Variants in MYO3B observed in about 807,000 individuals in gnomAD.
MYO3B encodes the protein myosin-IIIb.
MYO3B carries 156 observed loss-of-function variants against 174.6 expected under a neutral mutation model. The ratio of observed to expected loss-of-function variants is 0.89; its 90% CI spans 0.78 to 1.02. MYO3B has a LOEUF of 1.02. MYO3B is among the 50% of genes least tolerant of loss of function. The pLI, the probability that MYO3B is intolerant of heterozygous loss-of-function variation, is 0.00. For synonymous variants in MYO3B, 563 were observed against 569.1 expected, an observed-to-expected ratio of 0.99 and a Z score of 0.15; for missense variants, 1,632 against 1,639.4, an observed-to-expected ratio of 1.00 and a Z score of 0.08.
intron 32 of MYO3B, among the ~76,000 whole-genome samples, chr2:170,589,039 ATAGT>A (rs773974336): frequency 4.3e-4 from 66 of 152,314 alleles, no homozygotes; most frequent in Non-Finnish European, 8.2e-4. Context: ...GAATTAACTA[ATAGT>A]TAGTTACTGG....
At chr2:170,220,628 C>CAAAA (rs71006077) in intron 6 of MYO3B, among the ~76,000 whole-genome samples, 1 of 85,924 alleles carries the variant, frequency 1.2e-5, no homozygotes, top group Non-Finnish European at 2.4e-5. Flanking sequence ...GATTCCGTCT[C>CAAAA]AAAAAAAAAA....
intron 22 of MYO3B, among the ~76,000 whole-genome samples, chr2:170,428,940 C>A (rs2094686764): frequency 6.6e-6 from 1 of 152,208 alleles, no homozygotes; most frequent in South Asian, 2.1e-4. Context: ...GTGTCCTTTT[C>A]ATTGCTTCCA....
chr2:170,503,551 C>T (rs1687421682), intron 28 of MYO3B, among the ~76,000 whole-genome samples: 1 of 150,964 alleles, frequency 6.6e-6, no homozygotes, highest in Non-Finnish European at 1.5e-5. Flanking sequence ...TTGCAAGCAC[C>T]CAGCAGGACT....
rs188370413 is a variant in MYO3B, at chr2:170,366,921, C to G, written c.816-2301C>G. Among the ~76,000 whole-genome samples the G allele has an allele frequency of 5.8e-4, 88 of 152,264 alleles. 1 individual carries two copies. Among genetic ancestry groups the G allele is most frequent in the African/African-American group, 1.9e-3 (78 of 41,558 alleles). ...ATGGAGTATGGGTTTCCTAGTCTTT[C>G]TCAATCCCTGTTCAAGGAGCTTTAC... is the stretch of plus-strand genomic sequence containing the variant. On this transcript the variant is annotated intron_variant, in intron 8 of 34. Coordinates refer to ENST00000408978, the MANE Select transcript of MYO3B (RefSeq NM_138995.5).
chr2:170,440,378 C>G lies in MYO3B; in HGVS notation c.2651-3589C>G, dbSNP rs147861056. On this transcript the variant is annotated intron_variant, in intron 22 of 34. Coordinates refer to ENST00000408978, the MANE Select transcript of MYO3B (RefSeq NM_138995.5). ...TGTAGAATGCTTGGGATAGTATGAA[C>G]ATTTTAACAATGTTAAGTCTTCCAA... is the stretch of plus-strand genomic sequence containing the variant. 3.7e-4 allele frequency among the ~76,000 whole-genome samples: 57 copies of G among 152,276 alleles called. 1 individual carries two copies. The highest frequency in any genetic ancestry group is 6.8e-3 in the Middle Eastern group (2 of 294).
chr2:170,651,862 T>C (rs1216967088), intron 33 of MYO3B, 128 bp downstream of exon 33: 5 of 627,410 alleles, frequency 8.0e-6, no homozygotes, highest in Non-Finnish European at 1.4e-5. Flanking sequence ...AACATGTGCT[T>C]AGGCTCTTTA....
intron 32 of MYO3B, among the ~76,000 whole-genome samples, chr2:170,650,259 T>C (rs1698903761): frequency 6.6e-6 from 1 of 151,858 alleles, no homozygotes; most frequent in East Asian, 1.9e-4. Flanking sequence ...GTTCTGATAG[T>C]CTTGTCCAAA....
intron 32 of MYO3B, among the ~76,000 whole-genome samples, chr2:170,650,325 A>T (rs1277558475): frequency 2.0e-5 from 3 of 152,084 alleles, no homozygotes; most frequent in Non-Finnish European, 4.4e-5. Flanking sequence ...TACTTAGGGA[A>T]CAAATATTTT....
At chr2:170,496,613 TATA>T (rs1207491677) in intron 25 of MYO3B, among the ~76,000 whole-genome samples, 1 of 148,206 alleles carries the variant, frequency 6.7e-6, no homozygotes, top group Non-Finnish European at 1.5e-5. Context: ...ATATGTATAA[TATA>T]ATATATATAA....
At chr2:170,477,766 A>G (rs1685406278) in intron 25 of MYO3B, among the ~76,000 whole-genome samples, 2 of 151,294 alleles carry the variant, frequency 1.3e-5, no homozygotes, top group Admixed American at 6.6e-5. Flanking sequence ...AGATGTTGTC[A>G]AATGTCTCCT....
chr2:170,592,677 A>G (rs746697509), intron 32 of MYO3B, among the ~76,000 whole-genome samples: 3 of 152,158 alleles, frequency 2.0e-5, no homozygotes, highest in Non-Finnish European at 4.4e-5. Flanking sequence ...TCATGAGGGC[A>G]GGGCAGGGAT....
intron 22 of MYO3B, among the ~76,000 whole-genome samples, chr2:170,410,977 G>C (rs2094542620): frequency 6.7e-6 from 1 of 150,064 alleles, no homozygotes; most frequent in Non-Finnish European, 1.5e-5. Flanking sequence ...GAGCCCAGGA[G>C]TTCAAGGCCG....
chr2:170,178,478 G>C (rs1294813191), intron 1 of MYO3B, among the ~76,000 whole-genome samples, 189 bp downstream of exon 1: 1 of 151,878 alleles, frequency 6.6e-6, no homozygotes, highest in East Asian at 1.9e-4. Context: ...CTTTTGTCTG[G>C]GTGGTTAAAT....
At chr2:170,318,402 T>C (rs1241346804) in intron 7 of MYO3B, among the ~76,000 whole-genome samples, 1 of 152,230 alleles carries the variant, frequency 6.6e-6, no homozygotes, top group Admixed American at 6.5e-5. Flanking sequence ...ATTATAGTCC[T>C]TAATACCTTG....
intron 25 of MYO3B, among the ~76,000 whole-genome samples, chr2:170,488,631 TAAAAGAA>T (rs1686227348): frequency 6.6e-6 from 1 of 152,178 alleles, no homozygotes; most frequent in Non-Finnish European, 1.5e-5. Flanking sequence ...TTATATGAAA[TAAAAGAA>T]TGTTGGGATG....
chr2:170,394,390 T>C, intron 16 of MYO3B, among the ~76,000 whole-genome samples: 1 of 152,150 alleles, frequency 6.6e-6, no homozygotes, highest in African/African-American at 2.4e-5. Flanking sequence ...TAAACAACGT[T>C]GAAAACTGTT....
At chr2:170,429,409 G>A (rs989957297) in intron 22 of MYO3B, among the ~76,000 whole-genome samples, 3 of 152,302 alleles carry the variant, frequency 2.0e-5, no homozygotes, top group East Asian at 1.9e-4. Context: ...CTGAAGAGCA[G>A]AACAAGCTTT....
intron 7 of MYO3B, among the ~76,000 whole-genome samples, chr2:170,286,592 G>A (rs1165420549): frequency 6.6e-6 from 1 of 151,986 alleles, no homozygotes; most frequent in Non-Finnish European, 1.5e-5. Flanking sequence ...GGAACAGTAT[G>A]TCAAGTTCCG....
At chr2:170,356,519 C>T (rs774035793) in intron 8 of MYO3B, among the ~76,000 whole-genome samples, 5 of 151,960 alleles carry the variant, frequency 3.3e-5, no homozygotes, top group Non-Finnish European at 7.4e-5. Flanking sequence ...TCCATCACCA[C>T]ACCTGGCTAA....
Sources: gnomAD v4.1 joint callset for allele counts (sites outside exome capture counted in the v4.1 genomes callset) on GRCh38, gnomAD v4.1.1 for gene constraint, MANE v1.5 for transcripts, NCBI Gene and HGNC (gene_info 2026-07-23, HGNC 2026-07-21) for gene names.